Variants in PCDHA4 observed in about 807,000 individuals in gnomAD.
PCDHA4 encodes protocadherin alpha 4, also known as protocadherin alpha-4.
Under a neutral mutation model 61.4 loss-of-function variants are expected in PCDHA4, and 49 were observed. That is an observed-to-expected ratio of 0.80 (90% CI 0.63 to 1.01). The LOEUF (loss-of-function observed/expected upper bound fraction) is 1.01, where lower values mean the gene tolerates loss of function less well. Ranked by LOEUF, PCDHA4 falls within the 50% of genes least tolerant of loss-of-function variation. The probability of loss-of-function intolerance (pLI) is 0.00; values close to 1 mark genes in which losing one functional copy is unlikely to be tolerated. For missense variants in PCDHA4, 1,254 were observed against 1,235.8 expected, an observed-to-expected ratio of 1.01 and a Z score of -0.22; for synonymous variants, 590 against 550.3, an observed-to-expected ratio of 1.07 and a Z score of -1.01.
chr5:140,868,327 T>C (rs1554161889), intron 1 of PCDHA4: 1 of 152,138 alleles, frequency 6.6e-6, no homozygotes, highest in Non-Finnish European at 1.5e-5. Context: ...CTGCAATGAA[T>C]ATAAAGTCAC....
At chr5:141,005,302 G>T (rs940194498) in intron 3 of PCDHA4, among the ~76,000 whole-genome samples, 1 of 152,160 alleles carries the variant, frequency 6.6e-6, no homozygotes, top group Non-Finnish European at 1.5e-5. Context: ...TTGCCTTTGT[G>T]AATCTTACAG....
At chr5:140,928,809 GGACCATGGA>G (rs1563109708) in intron 1 of PCDHA4, 1 of 1,614,078 alleles carries the variant, frequency 6.2e-7, no homozygotes, top group Non-Finnish European at 8.5e-7. Flanking sequence ...TAGTGGTTCG[GGACCATGGA>G]GACCCACCAC....
chr5:140,834,443 T>C (rs1554134210), intron 1 of PCDHA4: 2 of 1,602,170 alleles, frequency 1.2e-6, no homozygotes, highest in Admixed American at 1.7e-5. Flanking sequence ...TTATTATAAT[T>C]CTAGCAGCTT....
In PCDHA4 at chr5:140,870,085, C is replaced by G. The variant is rs200687541; in HGVS notation, c.2385+60513C>G. The stretch of plus-strand genomic sequence containing the variant: ...ACAGGCTACAGATAAGGGGACTCCC[C>G]CAATGGCAGGTCACTGTACAGTCTG... On this transcript the variant is annotated intron_variant, in intron 1 of 3. Coordinates refer to ENST00000530339, the MANE Select transcript of PCDHA4 (RefSeq NM_018907.4). 11 of 1,613,744 alleles carry G rather than the reference C, an allele frequency of 6.8e-6. No individual in the cohort carries two copies. The African/African-American group carries it at 1.3e-4, about 20-fold the overall frequency.
chr5:140,826,677 TA>T (rs1447627266), intron 1 of PCDHA4, among the ~76,000 whole-genome samples: 1 of 152,092 alleles, frequency 6.6e-6, no homozygotes, highest in Non-Finnish European at 1.5e-5. Context: ...TAGACGTAAT[TA>T]AAAAAACCCA....
intron 1 of PCDHA4, chr5:140,926,329 A>G (rs1435633972): frequency 6.6e-6 from 1 of 152,150 alleles, no homozygotes; most frequent in Non-Finnish European, 1.5e-5. Flanking sequence ...CCGGGGTCAG[A>G]GCGCCGGGAC....
chr5:140,883,096 T>G (rs2059436763), intron 1 of PCDHA4: 1 of 1,614,006 alleles, frequency 6.2e-7, no homozygotes, highest in Non-Finnish European at 8.5e-7. Flanking sequence ...CAAATGGAGA[T>G]ATAGTTTACT....
intron 1 of PCDHA4, among the ~76,000 whole-genome samples, chr5:140,916,951 G>A (rs1197063390): frequency 6.6e-6 from 1 of 152,210 alleles, no homozygotes; most frequent in Non-Finnish European, 1.5e-5. Context: ...GAGGCTTGCT[G>A]AGTTCTGACT....
intron 1 of PCDHA4, among the ~76,000 whole-genome samples, chr5:140,972,862 T>C (rs781936892): frequency 2.0e-5 from 3 of 151,966 alleles, no homozygotes; most frequent in Non-Finnish European, 4.4e-5. Context: ...TGGGGTTTCA[T>C]CATGTTGTCC....
At chr5:140,968,640 C>T (rs2096260908) in intron 1 of PCDHA4, 1 of 1,614,038 alleles carries the variant, frequency 6.2e-7, no homozygotes, top group Admixed American at 1.7e-5. Context: ...TACCATCTAG[C>T]CCAGACTTCT....
chr5:140,834,509 C>T (rs1773064417), intron 1 of PCDHA4: 2 of 1,614,012 alleles, frequency 1.2e-6, no homozygotes, highest in Admixed American at 1.7e-5. Flanking sequence ...CTAAACATGG[C>T]AACTTCGTGG....
chr5:140,978,810 G>C, intron 1 of PCDHA4, 139 bp from the exon 2 acceptor site: 2 of 1,500,034 alleles, frequency 1.3e-6, no homozygotes, highest in Non-Finnish European at 1.8e-6. Flanking sequence ...TATCATCATA[G>C]AGTTACACAT....
At chr5:140,886,123 G>A (rs868933605) in intron 1 of PCDHA4, among the ~76,000 whole-genome samples, 53 of 152,236 alleles carry the variant, frequency 3.5e-4, no homozygotes, top group African/African-American at 1.2e-3. Flanking sequence ...ACATAGTTCC[G>A]TAACAACCAG....
In PCDHA4 at chr5:140,941,764, A is replaced by G. The variant is rs116374830; in HGVS notation, c.2386-37185A>G. 5.7e-3 allele frequency among the ~76,000 whole-genome samples: 869 copies of G among 152,306 alleles called. 7 individuals are homozygous for G. Among genetic ancestry groups the G allele is most frequent in the African/African-American group, 0.018 (768 of 41,560 alleles). ...TTATCAGATTTTCAGTGCTTTTAAG[A>G]TAATTGTTTTAATGTTTTACCCAAG... On this transcript the variant is annotated intron_variant, in intron 1 of 3. Coordinates refer to ENST00000530339, the MANE Select transcript of PCDHA4 (RefSeq NM_018907.4).
chr5:140,995,180 A>C (rs1014057978), intron 3 of PCDHA4, among the ~76,000 whole-genome samples: 4 of 152,190 alleles, frequency 2.6e-5, no homozygotes, highest in African/African-American at 9.7e-5. Context: ...AGGTGCACCT[A>C]TGATAAAGTT....
At chr5:140,962,431 A>G (rs782205198) in intron 1 of PCDHA4, among the ~76,000 whole-genome samples, 2 of 152,126 alleles carry the variant, frequency 1.3e-5, no homozygotes, top group Non-Finnish European at 2.9e-5. Flanking sequence ...ATTGTTACTT[A>G]TCCAAAGATG....
intron 3 of PCDHA4, among the ~76,000 whole-genome samples, chr5:140,996,686 T>G (rs1447702915): frequency 2.6e-5 from 4 of 152,214 alleles, no homozygotes; most frequent in Non-Finnish European, 5.9e-5. Flanking sequence ...TGGGCTAGTA[T>G]TCTTCTGAAC....
At chr5:140,893,088 T>C (rs1340937679) in intron 1 of PCDHA4, among the ~76,000 whole-genome samples, 2 of 152,372 alleles carry the variant, frequency 1.3e-5, no homozygotes, top group African/African-American at 4.8e-5. Flanking sequence ...CATTCTTTTT[T>C]ATGGCTGGAT....
chr5:140,966,854 C>T (rs1554228784), intron 1 of PCDHA4: 2 of 1,573,744 alleles, frequency 1.3e-6, no homozygotes, highest in Admixed American at 1.8e-5. Context: ...GCCTCTCCTG[C>T]TGCTGTTGCT....
Sources: gnomAD v4.1 joint callset for allele counts (sites outside exome capture counted in the v4.1 genomes callset) on GRCh38, gnomAD v4.1.1 for gene constraint, MANE v1.5 for transcripts, NCBI Gene and HGNC (gene_info 2026-07-23, HGNC 2026-07-21) for gene names.